Variants in GBP1 observed in about 807,000 individuals in gnomAD.
GBP1 encodes guanylate-binding protein 1.
GBP1 carries 64 observed loss-of-function variants against 69.5 expected under a neutral mutation model. The observed-to-expected ratio is 0.92, with a 90% CI of 0.75 to 1.13. The LOEUF (loss-of-function observed/expected upper bound fraction) is 1.13. GBP1 is among the 50% of genes most tolerant of loss of function. GBP1 has a pLI of 0.00. For missense variants in GBP1, 630 were observed against 704.1 expected (o/e 0.89, Z 1.19); for synonymous variants, 250 against 261.2 (o/e 0.96, Z 0.41).
At chr1:89,061,986 TAAAA>T (rs142975286) in intron 2 of GBP1, among the ~76,000 whole-genome samples, 1 of 144,704 alleles carries the variant, frequency 6.9e-6, no homozygotes, top group East Asian at 2.0e-4. Flanking sequence ...ATGGCCACTA[TAAAA>T]AAAAAAAACC....
chr1:89,059,533 T>C (rs1456515828), intron 3 of GBP1, 107 bp from the exon 4 acceptor site: 2 of 1,096,054 alleles, frequency 1.8e-6, no homozygotes, highest in African/African-American at 3.5e-5. Context: ...TTTTTTTTCT[T>C]TTCTTTTTTT....
At chr1:89,064,240 T>TGTGTGTGTGAGAGA (rs1243424526) in intron 1 of GBP1, among the ~76,000 whole-genome samples, 8 of 100,066 alleles carry the variant, frequency 8.0e-5, no homozygotes, top group African/African-American at 3.3e-4. Context: ...TGTGTGTGTG[T>TGTGTGTGTGAGAGA]GAGAGAGAGA....
intron 3 of GBP1, 26 bp downstream of exon 3, chr1:89,060,171 T>C (rs1427645347): frequency 6.3e-7 from 1 of 1,578,666 alleles, no homozygotes; most frequent in Non-Finnish European, 8.6e-7. Context: ...AGGGGCTTAC[T>C]CCACAACTGG....
intron 3 of GBP1, 60 bp from the exon 4 acceptor site, chr1:89,059,486 G>T: frequency 2.0e-6 from 3 of 1,480,272 alleles, no homozygotes; most frequent in Non-Finnish European, 2.8e-6. Context: ...ACTTTTCAGA[G>T]TAACAGTAGT....
chr1:89,057,160 GT>G (rs1680070883), intron 6 of GBP1, 26 bp from the exon 7 acceptor site: 1 of 1,611,046 alleles, frequency 6.2e-7, no homozygotes, highest in Non-Finnish European at 8.5e-7. Context: ...AAATGATAAT[GT>G]TTCTGGTGGT....
intron 1 of GBP1, among the ~76,000 whole-genome samples, chr1:89,064,022 A>G (rs1680267615): frequency 1.3e-5 from 2 of 152,168 alleles, no homozygotes; most frequent in African/African-American, 4.8e-5. Flanking sequence ...AATAAGGATT[A>G]AAAGATCAAG....
chr1:89,056,823 C>T, intron 7 of GBP1, 31 bp downstream of exon 7: 1 of 1,608,074 alleles, frequency 6.2e-7, no homozygotes, highest in African/African-American at 1.3e-5. Flanking sequence ...TTCTATGACC[C>T]TAAACCGTAT....
At chr1:89,053,660 C>T (rs866445693) in intron 10 of GBP1, among the ~76,000 whole-genome samples, 192 bp from the exon 11 acceptor site, 1 of 152,156 alleles carries the variant, frequency 6.6e-6, no homozygotes, top group African/African-American at 2.4e-5. Flanking sequence ...TGACATAACA[C>T]CGAAATAAGC....
chr1:89,057,240 G>T, intron 6 of GBP1, 106 bp from the exon 7 acceptor site: 2 of 1,459,024 alleles, frequency 1.4e-6, no homozygotes, highest in Non-Finnish European at 1.9e-6. Flanking sequence ...CAGCATCAAT[G>T]TCCTCAGCAT....
At chr1:89,054,533 G>A in intron 10 of GBP1, 149 bp downstream of exon 10, 2 of 728,412 alleles carry the variant, frequency 2.7e-6, no homozygotes, top group Non-Finnish European at 4.6e-6. Context: ...TAGCCAGTCA[G>A]GCTGGACAGA....
At chr1:89,055,995 T>G in intron 8 of GBP1, 21 bp downstream of exon 8, 2 of 1,613,778 alleles carry the variant, frequency 1.2e-6, no homozygotes, top group Non-Finnish European at 1.7e-6. Context: ...TTTCCATAAT[T>G]GACAGATAAA....
chr1:89,055,316 C>T, intron 8 of GBP1, 101 bp from the exon 9 acceptor site: 1 of 1,564,114 alleles, frequency 6.4e-7, no homozygotes. Flanking sequence ...AATTCTTTCT[C>T]TTGGCCCTAT....
intron 1 of GBP1, among the ~76,000 whole-genome samples, chr1:89,064,905 C>T (rs902261905): frequency 6.6e-6 from 1 of 152,196 alleles, no homozygotes; most frequent in Admixed American, 6.5e-5. Flanking sequence ...TCTACTGGTG[C>T]CTAATTCAAC....
chr1:89,055,496 G>T, intron 8 of GBP1: 1 of 383,956 alleles, frequency 2.6e-6, no homozygotes. Flanking sequence ...TGTTAATGCT[G>T]TGGTCCCATA....
intron 2 of GBP1, among the ~76,000 whole-genome samples, chr1:89,061,874 A>G (rs1407789570): frequency 2.0e-5 from 3 of 152,184 alleles, no homozygotes; most frequent in African/African-American, 7.2e-5. Context: ...CAAAGAAGAT[A>G]TACAAGTGGC....
In GBP1 at chr1:89,058,003, A is replaced by G. The variant is rs1389656565; in HGVS notation, c.863T>C (p.Val288Ala). The change falls in exon 6 of 11, where the codon GTC becomes GCC. Residue 288 changes from valine (V) to alanine (A), a missense_variant. Coordinates refer to ENST00000370473, the MANE Select transcript of GBP1 (RefSeq NM_002053.3). ...GGAAGGGGACTTACGAGGCCCGTTG[A>G]CCTGGATGCCTCCTGAAAGAGTTTT... ...KTKTLSGGIQ[V>A]NGPRLESLVL... The G allele has an allele frequency of 6.2e-7, 1 of 1,612,270 alleles. No homozygotes were observed. Among genetic ancestry groups the G allele is most frequent in the Non-Finnish European group, 8.5e-7 (1 of 1,179,308 alleles).
intron 2 of GBP1, among the ~76,000 whole-genome samples, chr1:89,060,867 G>C (rs1680179430): frequency 6.6e-6 from 1 of 152,236 alleles, no homozygotes; most frequent in Admixed American, 6.5e-5. Flanking sequence ...GTTGCAGCAT[G>C]CAAAGTCAAT....
At chr1:89,058,304 T>A in intron 5 of GBP1, 70 bp from the exon 6 acceptor site, 1 of 1,317,326 alleles carries the variant, frequency 7.6e-7, no homozygotes, top group Non-Finnish European at 1.0e-6. Context: ...AAATAGTAAA[T>A]ATTTTAGGCT....
Position 89,065,163 on chromosome 1 carries a change from T to C in GBP1, c.-23A>G, listed in dbSNP as rs554482613. ...GAGAAGTAGTAAAAGTTCTTACCTG[T>C]TCTTTTTCTCCTTAGTTCACGAGCA... On this transcript the variant is annotated 5_prime_UTR_variant, in exon 1 of 11. Transcript: ENST00000370473. 7.2e-5 allele frequency: 11 copies of C among 152,342 alleles called. No homozygotes were observed. In the East Asian group the frequency reaches 1.7e-3, roughly 24 times the overall value. 9.4% of individuals were successfully genotyped at this position (152,342 alleles called of 1,614,324 possible).
Sources: allele counts gnomAD v4.1 joint callset (sites outside exome capture counted in the v4.1 genomes callset), GRCh38; gene constraint gnomAD v4.1.1; transcripts MANE v1.5; gene names NCBI Gene and HGNC (gene_info 2026-07-23, HGNC 2026-07-21).